RND3: variants seen among roughly 807,000 people sequenced by gnomAD.
The protein encoded by RND3 is Rho family GTPase 3, also known as rho-related GTP-binding protein RhoE.
A neutral mutation model predicts 26.5 loss-of-function variants in RND3; 8 were observed. The ratio of observed to expected loss-of-function variants is 0.30; its 90% CI spans 0.18 to 0.54. RND3 has a LOEUF of 0.54. Among genes scored for constraint, RND3 ranks in the 20% least tolerant of loss-of-function variants. RND3 has a pLI of 0.94. For synonymous variants in RND3, 113 were observed against 113.0 expected (o/e 1.00, Z 0.00); for missense variants, 207 against 302.8 (o/e 0.68, Z 2.35).
chr2:150,477,808 A>C (rs1686192358), intron 3 of RND3, among the ~76,000 whole-genome samples: 1 of 152,156 alleles, frequency 6.6e-6, no homozygotes, highest in Admixed American at 6.5e-5. Flanking sequence ...TGAGAAATAA[A>C]CCACCGTGCT....
rs906607288 is a variant in RND3 at position 150,486,997 on chromosome 2, A to T, written c.151-216T>A. 5 of 614,642 alleles carry T rather than the reference A, an allele frequency of 8.1e-6. No homozygotes were observed. Among genetic ancestry groups the T allele is most frequent in the East Asian group, 2.8e-5 (1 of 36,348 alleles). 38.1% of individuals were successfully genotyped at this position (614,642 alleles called of 1,614,324 possible). A position where few individuals can be genotyped will look rare whatever the true frequency, so the allele number is the denominator to read the frequency against. ...CGGCTCTCACAGATCTGCTGACCCGAATCTCCCAACCCCAGGTTATGCACA... is the reference window on the plus strand; with the variant it reads ...CGGCTCTCACAGATCTGCTGACCCGTATCTCCCAACCCCAGGTTATGCACA... On this transcript the variant is annotated intron_variant, in intron 2 of 5. Transcript: ENST00000263895. The surrounding 1 kb of genome is among the most constrained non-coding windows in gnomAD (Gnocchi z 4.5).
intron 3 of RND3, among the ~76,000 whole-genome samples, chr2:150,480,563 C>T (rs764790686): frequency 2.0e-5 from 3 of 151,796 alleles, no homozygotes; most frequent in South Asian, 2.1e-4. Context: ...CTGGTTATTT[C>T]GGGTGTTATC....
intron 4 of RND3, among the ~76,000 whole-genome samples, chr2:150,473,129 T>A (rs535616067): frequency 6.9e-6 from 1 of 143,894 alleles, no homozygotes; most frequent in Admixed American, 7.1e-5. Flanking sequence ...GCATTAGAAG[T>A]GGAAGGTGAA....
At position 150,468,206 on chromosome 2, in the gene RND3, A is replaced by G. The variant is rs1323803603; in HGVS notation, c.*1781T>C. On this transcript the variant is annotated 3_prime_UTR_variant, in exon 6 of 6. Coordinates refer to ENST00000263895, the MANE Select transcript of RND3 (RefSeq NM_005168.5). ...AAAGACAGATCACATTTAGACAAAG[A>G]CATGGTTACTTTTTTATTTGAAGAA... The G allele has an allele frequency of 7.3e-6, 1 of 136,300 alleles. No homozygotes were observed. The allele number at this position is 136,300 out of a possible 1,614,324, so 8.4% of individuals were successfully genotyped here. A position where few individuals can be genotyped will look rare whatever the true frequency, so the allele number is the denominator to read the frequency against.
chr2:150,477,900 G>A (rs1282319058), intron 3 of RND3, among the ~76,000 whole-genome samples: 1 of 152,036 alleles, frequency 6.6e-6, no homozygotes. Context: ...TATTACTTTT[G>A]CTAATGAACA....
Position 150,471,694 on chromosome 2 carries a change from A to C in RND3, c.416T>G (p.Leu139Arg). ...KMLLVGCKSDLRTDVSTLVEL... is the reference protein window; with the variant it reads ...KMLLVGCKSDRRTDVSTLVEL... ...TACTAATGTACTAACATCTGTCCGC[A>C]GATCAGACTTGCAGCCGACCAAGAG... The change falls in exon 5 of 6, where the codon CTG becomes CGG. Residue 139 changes from leucine (L) to arginine (R), a missense_variant. Coordinates refer to ENST00000263895, the MANE Select transcript of RND3 (RefSeq NM_005168.5). The C allele has an allele frequency of 6.2e-7, 1 of 1,613,522 alleles. No individual in the cohort carries two copies. The highest frequency in any genetic ancestry group is 8.5e-7 in the Non-Finnish European group (1 of 1,179,550).
chr2:150,487,464 GA>G lies in RND3; in HGVS notation c.-38-10del, dbSNP rs71422244. On this transcript the variant is annotated splice_polypyrimidine_tract_variant and intron_variant, in intron 1 of 5. Transcript: ENST00000263895. ...TGGAACAGGAATTTTCTCTTAAGAA[GA>G]AAAAAAAAAATATATATATATATAT... 0.046 allele frequency: 13,042 copies of G among 285,592 alleles called. 1,292 individuals carry two copies. Among genetic ancestry groups the G allele is most frequent in the Middle Eastern group, 0.14 (188 of 1,392 alleles). 17.7% of individuals were successfully genotyped at this position (285,592 alleles called of 1,614,324 possible). A position where few individuals can be genotyped will look rare whatever the true frequency, so the allele number is the denominator to read the frequency against.
intron 3 of RND3, among the ~76,000 whole-genome samples, chr2:150,479,240 T>C (rs532319375): frequency 6.6e-6 from 1 of 152,292 alleles, no homozygotes; most frequent in South Asian, 2.1e-4. Flanking sequence ...AGTCACAACG[T>C]GCCTCACCCA....
In RND3 at chr2:150,482,981, G is replaced by A. The variant is rs373658905; in HGVS notation, c.238+3713C>T. On this transcript the variant is annotated intron_variant, in intron 3 of 5. Coordinates refer to ENST00000263895, the MANE Select transcript of RND3 (RefSeq NM_005168.5). ...AGCAGGACCATGCTTAATTAACACT[G>A]TATCTCTAAGGTCTTGACAGAGGGC... 7.9e-5 allele frequency among the ~76,000 whole-genome samples: 12 copies of A among 152,238 alleles called. 1 individual carries two copies. In the South Asian group the frequency reaches 1.2e-3, roughly 16 times the overall value.
chr2:150,487,093 G>A, intron 2 of RND3, 175 bp downstream of exon 2: 1 of 620,012 alleles, frequency 1.6e-6, no homozygotes, highest in Non-Finnish European at 2.7e-6. Context: ...AGCTTCCAGC[G>A]CACTTTCCCT....
intron 3 of RND3, chr2:150,475,232 G>C (rs759996584): frequency 5.7e-6 from 2 of 352,224 alleles, no homozygotes; most frequent in Non-Finnish European, 1.1e-5. Flanking sequence ...AAATCTGTAT[G>C]GTTCAAAGAC....
Position 150,486,843 on chromosome 2 carries a change from A to G in RND3, c.151-62T>C. On this transcript the variant is annotated intron_variant, in intron 2 of 5. Coordinates refer to ENST00000263895, the MANE Select transcript of RND3 (RefSeq NM_005168.5). This position sits in a 1 kb window ranked among gnomAD's most constrained non-coding sequence, Gnocchi z 4.5. The stretch of plus-strand genomic sequence containing the variant: ...GGGCAAAGAGGTTACGTTTAAACGC[A>G]CGACACCCATTGAACACCCTTCCCC... 3 of 1,171,706 alleles carry G rather than the reference A, an allele frequency of 2.6e-6. No homozygotes were observed. The South Asian group carries it at 3.7e-5, about 14-fold the overall frequency. 72.6% of individuals were successfully genotyped at this position (1,171,706 alleles called of 1,614,324 possible). A position where few individuals can be genotyped will look rare whatever the true frequency, so the allele number is the denominator to read the frequency against.
chr2:150,487,406 T>C lies in RND3; in HGVS notation c.12A>G (p.Arg4=). ...TGCTGGATAATTTCTGGCTGGCTCT[T>C]CTCTCCTTCATTGATGTTGCCTTAT... MKE[R]RASQKLSSKS... The change falls in exon 2 of 6, where the codon AGA becomes AGG. Residue 4 remains arginine, a synonymous_variant. Transcript: ENST00000263895. 1 of 1,520,988 alleles carries C rather than the reference T, an allele frequency of 6.6e-7. No homozygotes were observed. The highest frequency in any genetic ancestry group is 1.3e-5 in the South Asian group (1 of 74,692). 94.2% of individuals were successfully genotyped at this position (1,520,988 alleles called of 1,614,324 possible). A position where few individuals can be genotyped will look rare whatever the true frequency, so the allele number is the denominator to read the frequency against.
chr2:150,486,311 A>C lies in RND3; in HGVS notation c.238+383T>G, dbSNP rs1004836232. ...CGCCAACCAGCAGGTTAGATCTAGG[A>C]GGGGCGCCCGCCTTGAGCCGGGTGG... On this transcript the variant is annotated intron_variant, in intron 3 of 5. Transcript: ENST00000263895. This position sits in a 1 kb window ranked among gnomAD's most constrained non-coding sequence, Gnocchi z 4.5. Among the ~76,000 whole-genome samples, 2 of 151,978 alleles carry C rather than the reference A, an allele frequency of 1.3e-5. No individual in the cohort carries two copies. Among genetic ancestry groups the C allele is most frequent in the Non-Finnish European group, 2.9e-5 (2 of 67,992 alleles).
intron 3 of RND3, 55 bp from the exon 4 acceptor site, chr2:150,475,039 T>G: frequency 9.4e-7 from 1 of 1,067,570 alleles, no homozygotes; most frequent in Non-Finnish European, 1.5e-6. Flanking sequence ...TTGTCTGTCA[T>G]GCATTAACTC....
At chr2:150,479,412 G>A (rs1686233787) in intron 3 of RND3, among the ~76,000 whole-genome samples, 1 of 152,112 alleles carries the variant, frequency 6.6e-6, no homozygotes, top group Admixed American at 6.5e-5. Flanking sequence ...AACACTGTGA[G>A]GCTTTAGAGG....
intron 4 of RND3, 62 bp downstream of exon 4, chr2:150,474,813 C>T (rs1686140215): frequency 1.1e-6 from 1 of 947,968 alleles, no homozygotes; most frequent in East Asian, 2.5e-5. Context: ...TCCCAACAAA[C>T]CCCACGTTTC....
chr2:150,470,384 A>T lies in RND3; in HGVS notation c.484-146T>A. On this transcript the variant is annotated intron_variant, in intron 5 of 5. Coordinates refer to ENST00000263895, the MANE Select transcript of RND3 (RefSeq NM_005168.5). ...TTTTCCAAGTGTCATTGCAAAAAAAAAAAGTTGTTAAAATGTAAACTGCCT... is the reference window on the plus strand; with the variant it reads ...TTTTCCAAGTGTCATTGCAAAAAAATAAAGTTGTTAAAATGTAAACTGCCT... 8.4e-6 allele frequency: 7 copies of T among 833,946 alleles called. No homozygotes were observed. In the South Asian group the frequency reaches 1.1e-4, roughly 13 times the overall value. The allele number at this position is 833,946 out of a possible 1,614,324, so 51.7% of individuals were successfully genotyped here. A position where few individuals can be genotyped will look rare whatever the true frequency, so the allele number is the denominator to read the frequency against.
At position 150,486,306 on chromosome 2, in the gene RND3, C is replaced by A. The variant is rs886440176; in HGVS notation, c.238+388G>T. Among the ~76,000 whole-genome samples the A allele has an allele frequency of 2.0e-5, 3 of 152,190 alleles. No homozygotes were observed. Among genetic ancestry groups the A allele is most frequent in the African/African-American group, 7.2e-5 (3 of 41,466 alleles). ...CTCCCCGCCAACCAGCAGGTTAGAT[C>A]TAGGAGGGGCGCCCGCCTTGAGCCG... On this transcript the variant is annotated intron_variant, in intron 3 of 5. Coordinates refer to ENST00000263895, the MANE Select transcript of RND3 (RefSeq NM_005168.5). The surrounding 1 kb of genome is among the most constrained non-coding windows in gnomAD (Gnocchi z 4.5).
Sources: allele counts gnomAD v4.1 joint callset (sites outside exome capture counted in the v4.1 genomes callset), GRCh38; gene constraint gnomAD v4.1.1; non-coding constraint Gnocchi (gnomAD v3.1); transcripts MANE v1.5; gene names NCBI Gene and HGNC (gene_info 2026-07-23, HGNC 2026-07-21).